The following TMUB2 variants were observed in gnomAD, a reference collection of about 807,000 sequenced individuals.
TMUB2 encodes the protein transmembrane and ubiquitin-like domain-containing protein 2.
In TMUB2, 19 loss-of-function variants were observed where a neutral mutation model predicts 20.2. The ratio of observed to expected loss-of-function variants is 0.94; its 90% confidence interval spans 0.66 to 1.38. The LOEUF is 1.38. Among genes scored for constraint, TMUB2 ranks in the 40% most tolerant of loss-of-function variants. The pLI, the probability that TMUB2 is intolerant of heterozygous loss-of-function variation, is 0.00. For synonymous variants in TMUB2, 186 were observed against 166.0 expected, an observed-to-expected ratio of 1.12 and a Z score of -0.92; for missense variants, 426 against 402.5, an observed-to-expected ratio of 1.06 and a Z score of -0.50.
rs1182056456 is a variant in TMUB2 at position 44,191,736 on chromosome 17, C to G, written c.*872C>G. 1 of 985,538 alleles carries G rather than the reference C, an allele frequency of 1.0e-6. No homozygotes were observed. Among genetic ancestry groups the G allele is most frequent in the Non-Finnish European group, 1.2e-6 (1 of 829,926 alleles). 61.0% of individuals were successfully genotyped at this position (985,538 alleles called of 1,614,324 possible). A position where few individuals can be genotyped will look rare whatever the true frequency, so the allele number is the denominator to read the frequency against. ...GTTCCATTTTGTGGTCCTGCAGCCTCTTTCTGTGACAGAGAATGGCTTTGC... is the reference window on the plus strand; with the variant it reads ...GTTCCATTTTGTGGTCCTGCAGCCTGTTTCTGTGACAGAGAATGGCTTTGC... On this transcript the variant is annotated 3_prime_UTR_variant, in exon 4 of 4. Transcript: ENST00000538716.
In TMUB2 at chr17:44,190,936, G is replaced by T; in HGVS notation, c.*72G>T. 1 of 1,524,722 alleles carries T rather than the reference G, an allele frequency of 6.6e-7. No homozygotes were observed. The highest frequency in any genetic ancestry group is 8.8e-7 in the Non-Finnish European group (1 of 1,140,848). 94.4% of individuals were successfully genotyped at this position (1,524,722 alleles called of 1,614,324 possible). On this transcript the variant is annotated 3_prime_UTR_variant, in exon 4 of 4. Transcript: ENST00000538716. ...TCCCCACTTTTCCTGGCCAGAGCTGGGCCCAAGGGCCGGGGAGGGAGGGGT... is the reference window on the plus strand; with the variant it reads ...TCCCCACTTTTCCTGGCCAGAGCTGTGCCCAAGGGCCGGGGAGGGAGGGGT...
chr17:44,191,509 GGGCA>G lies in TMUB2; in HGVS notation c.*646_*649del. 1 of 985,918 alleles carries G rather than the reference GGGCA, an allele frequency of 1.0e-6. No homozygotes were observed. Among genetic ancestry groups the G allele is most frequent in the East Asian group, 1.1e-4 (1 of 8,822 alleles). 61.1% of individuals were successfully genotyped at this position (985,918 alleles called of 1,614,324 possible). ...ATAGAGCTCAGTCAGGAAGGGGATG[GGGCA>G]CCAAGCCAAGCCCCCAGCATTGGGA... On this transcript the variant is annotated 3_prime_UTR_variant, in exon 4 of 4. Transcript: ENST00000538716.
chr17:44,188,373 A>G (rs986737744), intron 2 of TMUB2, among the ~76,000 whole-genome samples: 8 of 152,180 alleles, frequency 5.3e-5, no homozygotes, highest in Admixed American at 3.9e-4. Context: ...CAGAGGCGGC[A>G]CATAATGTCT....
Position 44,189,120 on chromosome 17 carries a change from T to C in TMUB2, c.134T>C (p.Leu45Pro), listed in dbSNP as rs994629613. The change falls in exon 3 of 4, where the codon CTG becomes CCG. Residue 45 changes from leucine (L) to proline (P), a missense_variant. Leu to Pro is a moderately conservative substitution (Grantham distance 98). Coordinates refer to ENST00000538716, the MANE Select transcript of TMUB2 (RefSeq NM_001076674.3). Reference protein sequence around the residue: ...EVMVVAGVVVLILALVLAWLS... With the variant: ...EVMVVAGVVVPILALVLAWLS... ...ATGGTGGTGGCAGGTGTGGTGGTGCTGATTCTAGCCTTGGTCCTAGCTTGG... is the reference window on the plus strand; with the variant it reads ...ATGGTGGTGGCAGGTGTGGTGGTGCCGATTCTAGCCTTGGTCCTAGCTTGG... 1.9e-6 allele frequency: 3 copies of C among 1,614,104 alleles called. No homozygotes were observed. The highest frequency in any genetic ancestry group is 2.5e-6 in the Non-Finnish European group (3 of 1,180,000).
At position 44,187,811 on chromosome 17, in the gene TMUB2, G is replaced by A; in HGVS notation, c.35+68G>A. 4 of 715,706 alleles carry A rather than the reference G, an allele frequency of 5.6e-6. No homozygotes were observed. The South Asian group carries it at 5.9e-5, about 11-fold the overall frequency. 44.3% of individuals were successfully genotyped at this position (715,706 alleles called of 1,614,324 possible). A position where few individuals can be genotyped will look rare whatever the true frequency, so the allele number is the denominator to read the frequency against. ...AGGCTCTGAGAAAGTTGTCTGAGGTGTTATAGCTAGTAAGACGCAAGACTG... is the reference window on the plus strand; with the variant it reads ...AGGCTCTGAGAAAGTTGTCTGAGGTATTATAGCTAGTAAGACGCAAGACTG... On this transcript the variant is annotated intron_variant, in intron 2 of 3. Coordinates refer to ENST00000538716, the MANE Select transcript of TMUB2 (RefSeq NM_001076674.3).
In TMUB2 at chr17:44,190,855, T is replaced by C; in HGVS notation, c.957T>C (p.Tyr319=). ...TCAGCTTCCTAGTATTTGGGATGTA[T>C]GGACGATAAGGACATAGGAAGAAAA... is the stretch of plus-strand genomic sequence containing the variant. ...VFFSFLVFGM[Y]GR is the part of the protein sequence containing the mutation. The change falls in exon 4 of 4, where the codon TAT becomes TAC. Residue 319 remains tyrosine, a synonymous_variant. Transcript: ENST00000538716. 1 of 1,611,288 alleles carries C rather than the reference T, an allele frequency of 6.2e-7. No individual in the cohort carries two copies. The highest frequency in any genetic ancestry group is 8.5e-7 in the Non-Finnish European group (1 of 1,178,426).
At position 44,191,644 on chromosome 17, in the gene TMUB2, T is replaced by C; in HGVS notation, c.*780T>C. On this transcript the variant is annotated 3_prime_UTR_variant, in exon 4 of 4. Coordinates refer to ENST00000538716, the MANE Select transcript of TMUB2 (RefSeq NM_001076674.3). ...CCTGCCCAACTCCAAGGACTGGGTA[T>C]GGATTGCTGGGCCCTAGGCTCTTGC... 2 of 985,682 alleles carry C rather than the reference T, an allele frequency of 2.0e-6. No individual in the cohort carries two copies. The highest frequency in any genetic ancestry group is 5.2e-4 in the Middle Eastern group (1 of 1,936). The allele number at this position is 985,682 out of a possible 1,614,324, so 61.1% of individuals were successfully genotyped here. A position where few individuals can be genotyped will look rare whatever the true frequency, so the allele number is the denominator to read the frequency against.
rs2144414427 is a variant in TMUB2, at chr17:44,191,339, G to A, written c.*475G>A. On this transcript the variant is annotated 3_prime_UTR_variant, in exon 4 of 4. Transcript: ENST00000538716. ...ATCTTTTGAGACTGAAATCACACTG[G>A]CGGGAATGAAGATTGTGCCAGCCTT... The A allele has an allele frequency of 1.0e-6, 1 of 989,394 alleles. No homozygotes were observed. Among genetic ancestry groups the A allele is most frequent in the Non-Finnish European group, 1.2e-6 (1 of 832,132 alleles). The allele number at this position is 989,394 out of a possible 1,614,324, so 61.3% of individuals were successfully genotyped here.
chr17:44,190,468 CTA>C, intron 3 of TMUB2, 31 bp from the exon 4 acceptor site: 8 of 1,558,722 alleles, frequency 5.1e-6, no homozygotes, highest in African/African-American at 1.4e-5. Context: ...TCCTCACCCT[CTA>C]TCTTTTCTTC....
Position 44,189,534 on chromosome 17 carries a change from A to G in TMUB2, c.548A>G (p.Asp183Gly). ...ACTGTGCGGCTCAAATTCCTCAATG[A>G]TACCGAGGAGCTGGCTGTGGCTAGG... ...LITVRLKFLNDTEELAVARPE... is the reference protein window; with the variant it reads ...LITVRLKFLNGTEELAVARPE... Residue 183 changes from aspartate (D) to glycine (G), a missense_variant, in exon 3 of 4, where the codon GAT becomes GGT. Transcript: ENST00000538716. 1 of 1,613,152 alleles carries G rather than the reference A, an allele frequency of 6.2e-7. No homozygotes were observed. Among genetic ancestry groups the G allele is most frequent in the Non-Finnish European group, 8.5e-7 (1 of 1,179,500 alleles).
intron 3 of TMUB2, 81 bp downstream of exon 3, chr17:44,189,669 G>A: frequency 7.6e-7 from 1 of 1,312,590 alleles, no homozygotes; most frequent in African/African-American, 1.5e-5. Flanking sequence ...GTGCAGACAT[G>A]GGAGCTGCAG....
rs2055624362 is a variant in TMUB2, at chr17:44,191,730, C to T, written c.*866C>T. Reference sequence around the variant, plus strand: ...AATAAAGTTCCATTTTGTGGTCCTGCAGCCTCTTTCTGTGACAGAGAATGG... The same window carrying T: ...AATAAAGTTCCATTTTGTGGTCCTGTAGCCTCTTTCTGTGACAGAGAATGG... On this transcript the variant is annotated 3_prime_UTR_variant, in exon 4 of 4. Transcript: ENST00000538716. 9.1e-6 allele frequency: 9 copies of T among 985,656 alleles called. No individual in the cohort carries two copies. Among genetic ancestry groups the T allele is most frequent in the East Asian group, 1.1e-4 (1 of 8,770 alleles). The allele number at this position is 985,656 out of a possible 1,614,324, so 61.1% of individuals were successfully genotyped here.
Position 44,189,128 on chromosome 17 carries a change from G to A in TMUB2, c.142G>A (p.Ala48Thr), listed in dbSNP as rs2054946678. 6.2e-6 allele frequency: 10 copies of A among 1,614,104 alleles called. No homozygotes were observed. The highest frequency in any genetic ancestry group is 8.5e-6 in the Non-Finnish European group (10 of 1,180,028). Residue 48 changes from alanine to threonine, a missense_variant, in exon 3 of 4, where the codon GCC becomes ACC. Transcript: ENST00000538716. ...VVAGVVVLILALVLAWLSTYV... is the reference protein window; with the variant it reads ...VVAGVVVLILTLVLAWLSTYV... ...GGCAGGTGTGGTGGTGCTGATTCTA[G>A]CCTTGGTCCTAGCTTGGCTCTCTAC... is the stretch of plus-strand genomic sequence containing the variant.
Position 44,189,534 on chromosome 17 carries a change from A to C in TMUB2, c.548A>C (p.Asp183Ala). The change falls in exon 3 of 4, where the codon GAT (aspartate) becomes GCT (alanine). Residue 183 changes from aspartate to alanine, a missense_variant. By Grantham distance (126) the Asp-to-Ala change is moderately radical. Transcript: ENST00000538716. ...LITVRLKFLN[D>A]TEELAVARPE... ...ACTGTGCGGCTCAAATTCCTCAATG[A>C]TACCGAGGAGCTGGCTGTGGCTAGG... is the stretch of plus-strand genomic sequence containing the variant. 6.2e-7 allele frequency: 1 copy of C among 1,613,152 alleles called. No homozygotes were observed. The highest frequency in any genetic ancestry group is 2.2e-5 in the East Asian group (1 of 44,876).
Position 44,189,012 on chromosome 17 carries a change from G to A in TMUB2, c.36-10G>A. The A allele has an allele frequency of 6.2e-7, 1 of 1,605,762 alleles. No individual in the cohort carries two copies. Among genetic ancestry groups the A allele is most frequent in the Non-Finnish European group, 8.5e-7 (1 of 1,176,028 alleles). On this transcript the variant is annotated splice_polypyrimidine_tract_variant and intron_variant, in intron 2 of 3. Transcript: ENST00000538716. ...GGCTCTGCTGATGCTGTCCCCCTTTGTTCCTGCAGCGTGGACCCTGCCAGC... is the reference window on the plus strand; with the variant it reads ...GGCTCTGCTGATGCTGTCCCCCTTTATTCCTGCAGCGTGGACCCTGCCAGC...
At chr17:44,187,907 A>G (rs2054705520) in intron 2 of TMUB2, 164 bp downstream of exon 2, 1 of 641,576 alleles carries the variant, frequency 1.6e-6, no homozygotes, top group African/African-American at 1.8e-5. Flanking sequence ...TGTTCCACAG[A>G]TAATTCTTTG....
Position 44,189,225 on chromosome 17 carries a change from A to G in TMUB2, c.239A>G (p.His80Arg), listed in dbSNP as rs537870243. 3.7e-5 allele frequency: 59 copies of G among 1,613,298 alleles called. No individual in the cohort carries two copies. The highest frequency in any genetic ancestry group is 1.0e-4 in the Admixed American group (6 of 59,964). The stretch of plus-strand genomic sequence containing the variant: ...TCAGCAGGCGACACATCCGTCCTCC[A>G]CCTGGGGCATGTGGACCACCTGGTG... ...IVSAGDTSVLHLGHVDHLVAG... is the reference protein window; with the variant it reads ...IVSAGDTSVLRLGHVDHLVAG... The change falls in exon 3 of 4, where the codon CAC (histidine) becomes CGC (arginine). Residue 80 changes from histidine to arginine, a missense_variant. Physicochemically the swap from His to Arg is conservative, Grantham distance 29 (BLOSUM62 0). Coordinates refer to ENST00000538716, the MANE Select transcript of TMUB2 (RefSeq NM_001076674.3).
chr17:44,187,913 C>T, intron 2 of TMUB2, 170 bp downstream of exon 2: 3 of 633,778 alleles, frequency 4.7e-6, no homozygotes, highest in Non-Finnish European at 8.7e-6. Context: ...ACAGATAATT[C>T]TTTGAGCAAC....
intron 2 of TMUB2, among the ~76,000 whole-genome samples, chr17:44,188,585 C>A (rs973166369): frequency 1.3e-5 from 2 of 152,164 alleles, no homozygotes; most frequent in African/African-American, 4.8e-5. Context: ...GTAAAATATT[C>A]CAGGCTTTTG....
Sources: gnomAD v4.1 joint callset for allele counts (sites outside exome capture counted in the v4.1 genomes callset) on GRCh38, gnomAD v4.1.1 for gene constraint, MANE v1.5 for transcripts, NCBI Gene and HGNC (gene_info 2026-07-23, HGNC 2026-07-21) for gene names.